Variants in MEIS1 observed in about 807,000 individuals in gnomAD.
MEIS1 encodes the protein Meis homeobox 1.
Under a neutral mutation model 50.8 loss-of-function variants are expected in MEIS1, and 5 were observed. The ratio of observed to expected loss-of-function variants is 0.10; its 90% confidence interval spans 0.05 to 0.21. The LOEUF (loss-of-function observed/expected upper bound fraction) is 0.21. Among genes scored for constraint, MEIS1 ranks in the 10% least tolerant of loss-of-function variants. The pLI is 1.00. For missense variants in MEIS1, 318 were observed against 517.3 expected (o/e 0.61, Z 3.74); for synonymous variants, 176 against 179.3 (o/e 0.98, Z 0.15).
At position 66,435,558 on chromosome 2, in the gene MEIS1, CT is replaced by C. The variant is rs551308236; in HGVS notation, c.-286del. 33,580 of 284,978 alleles carry C rather than the reference CT, an allele frequency of 0.12. 1 individual carries two copies. Among genetic ancestry groups the C allele is most frequent in the East Asian group, 0.18 (3,176 of 17,964 alleles). 17.7% of individuals were successfully genotyped at this position (284,978 alleles called of 1,614,324 possible). On this transcript the variant is annotated 5_prime_UTR_variant, in exon 1 of 13. Transcript: ENST00000272369. Reference sequence around the variant, plus strand: ...TTTTTTTCCTTTTCTTTCTTTCTTTCTTTTTTTTTTTTTAAACTGATTTTTG... The same window carrying C: ...TTTTTTTCCTTTTCTTTCTTTCTTTCTTTTTTTTTTTTAAACTGATTTTTG...
chr2:66,515,149 A>G (rs2103859290), intron 8 of MEIS1, among the ~76,000 whole-genome samples: 1 of 152,320 alleles, frequency 6.6e-6, no homozygotes, highest in Admixed American at 6.5e-5. Flanking sequence ...TGCTAGATGT[A>G]AAAAAGCCAT....
At chr2:66,519,639 C>G (rs959840573) in intron 8 of MEIS1, among the ~76,000 whole-genome samples, 1 of 152,144 alleles carries the variant, frequency 6.6e-6, no homozygotes. Context: ...TGCAAAACGC[C>G]TTCACTCAGC....
In MEIS1 at chr2:66,435,746, T is replaced by C; in HGVS notation, c.-111T>C. The C allele has an allele frequency of 1.8e-5, 2 of 112,214 alleles. No individual in the cohort carries two copies. The highest frequency in any genetic ancestry group is 1.5e-4 in the South Asian group (1 of 6,896). 7.0% of individuals were successfully genotyped at this position (112,214 alleles called of 1,614,324 possible). On this transcript the variant is annotated 5_prime_UTR_variant, in exon 1 of 13. Transcript: ENST00000272369. Reference sequence around the variant, plus strand: ...CGTTAAGGGATTTTTCGTCGTGCTTTTTTTTTTTTTTTTTTTTTTTTCCGG... The same window carrying C: ...CGTTAAGGGATTTTTCGTCGTGCTTCTTTTTTTTTTTTTTTTTTTTTCCGG...
At chr2:66,438,883 A>G (rs1671870737) in intron 2 of MEIS1, among the ~76,000 whole-genome samples, 1 of 152,034 alleles carries the variant, frequency 6.6e-6, no homozygotes, top group African/African-American at 2.4e-5. Context: ...CCCTTGTGCG[A>G]TGGGCTTGTT....
chr2:66,436,568 A>G (rs150466083), intron 1 of MEIS1, among the ~76,000 whole-genome samples: 120 of 152,366 alleles, frequency 7.9e-4, no homozygotes, highest in African/African-American at 2.6e-3. Flanking sequence ...AAGGGGGTCT[A>G]CAAAAAGCCT....
Position 66,520,603 on chromosome 2 carries a change from A to T in MEIS1, c.888+8309A>T, listed in dbSNP as rs188149047. 2.1e-3 allele frequency among the ~76,000 whole-genome samples: 325 copies of T among 152,348 alleles called. 3 individuals carry two copies. The highest frequency in any genetic ancestry group is 4.6e-3 in the Admixed American group (71 of 15,298). ...ATAATGTGACTTTTATTATATTTTT[A>T]AAAATTCAGCTATTAATTGCTTGGC... On this transcript the variant is annotated intron_variant, in intron 8 of 12. Transcript: ENST00000272369.
At chr2:66,555,930 A>G (rs552390921) in intron 9 of MEIS1, among the ~76,000 whole-genome samples, 1 of 152,322 alleles carries the variant, frequency 6.6e-6, no homozygotes, top group East Asian at 1.9e-4. Context: ...TTCCGAGGGC[A>G]AACGTTGGTC....
At chr2:66,500,236 A>G (rs1353526600) in intron 7 of MEIS1, among the ~76,000 whole-genome samples, 1 of 152,138 alleles carries the variant, frequency 6.6e-6, no homozygotes, top group Non-Finnish European at 1.5e-5. Context: ...GCTGTATGTT[A>G]TAATCAACTT....
chr2:66,450,265 G>T (rs1672247006), intron 6 of MEIS1, among the ~76,000 whole-genome samples: 1 of 152,034 alleles, frequency 6.6e-6, no homozygotes, highest in Non-Finnish European at 1.5e-5. Flanking sequence ...ACAATTAATA[G>T]AATTTATACT....
intron 6 of MEIS1, among the ~76,000 whole-genome samples, chr2:66,454,345 T>C (rs528165257): frequency 1.3e-5 from 2 of 152,192 alleles, no homozygotes; most frequent in Admixed American, 1.3e-4. Flanking sequence ...ATTCTTATTA[T>C]GAGGGGTCAA....
chr2:66,546,158 A>G (rs988552742), intron 8 of MEIS1, among the ~76,000 whole-genome samples: 1 of 152,180 alleles, frequency 6.6e-6, no homozygotes, highest in Non-Finnish European at 1.5e-5. Context: ...TTAGGGAAAT[A>G]AGAAAAAGAT....
intron 6 of MEIS1, among the ~76,000 whole-genome samples, chr2:66,463,125 G>A (rs1672557676): frequency 6.6e-6 from 1 of 151,560 alleles, no homozygotes; most frequent in South Asian, 2.1e-4. Context: ...ATATTGGAAG[G>A]GTCAGCAAAC....
intron 7 of MEIS1, among the ~76,000 whole-genome samples, chr2:66,468,096 TA>T (rs1255639372): frequency 6.6e-6 from 1 of 152,212 alleles, no homozygotes; most frequent in Non-Finnish European, 1.5e-5. Context: ...CTTGGCTTTG[TA>T]GCTGCTTTAG....
intron 7 of MEIS1, among the ~76,000 whole-genome samples, chr2:66,473,397 A>AAAATATATATAT: frequency 1.9e-5 from 2 of 107,596 alleles, no homozygotes; most frequent in African/African-American, 1.2e-4. Flanking sequence ...AAAAAAAAAA[A>AAAATATATATAT]ATATATATAT....
intron 7 of MEIS1, among the ~76,000 whole-genome samples, chr2:66,491,338 G>A (rs1673268367): frequency 6.6e-6 from 1 of 152,216 alleles, no homozygotes; most frequent in Non-Finnish European, 1.5e-5. Context: ...TCTGTGGATG[G>A]AATTTTCTGC....
intron 7 of MEIS1, among the ~76,000 whole-genome samples, 172 bp from the exon 8 acceptor site, chr2:66,511,977 G>T (rs369818487): frequency 1.3e-5 from 2 of 152,104 alleles, no homozygotes; most frequent in African/African-American, 4.8e-5. Flanking sequence ...CTTGAGCCTA[G>T]GCCTTGTTCT....
At chr2:66,532,953 A>G (rs1674430455) in intron 8 of MEIS1, among the ~76,000 whole-genome samples, 1 of 152,148 alleles carries the variant, frequency 6.6e-6, no homozygotes, top group Non-Finnish European at 1.5e-5. Context: ...TTTTTATCCA[A>G]AATCCTGCCA....
intron 8 of MEIS1, among the ~76,000 whole-genome samples, chr2:66,541,713 A>G (rs1178092964): frequency 6.6e-6 from 1 of 152,242 alleles, no homozygotes; most frequent in Non-Finnish European, 1.5e-5. Flanking sequence ...CTATGACTCT[A>G]CTGATGATGC....
chr2:66,515,895 T>C (rs1572869871), intron 8 of MEIS1, among the ~76,000 whole-genome samples: 1 of 152,224 alleles, frequency 6.6e-6, no homozygotes, highest in Non-Finnish European at 1.5e-5. Context: ...TATGAGTCAC[T>C]GTGTATTCAC....
Sources: allele counts gnomAD v4.1 joint callset (sites outside exome capture counted in the v4.1 genomes callset), GRCh38; gene constraint gnomAD v4.1.1; transcripts MANE v1.5; gene names NCBI Gene and HGNC (gene_info 2026-07-23, HGNC 2026-07-21).